AEBP1: variants seen among roughly 807,000 people sequenced by gnomAD.
AEBP1 encodes the protein adipocyte enhancer-binding protein 1.
Under a neutral mutation model 116.5 loss-of-function variants are expected in AEBP1, and 69 were observed. That is an observed-to-expected ratio of 0.59 (90% CI 0.49 to 0.72). AEBP1 has a LOEUF of 0.72. Ranked by LOEUF, AEBP1 falls within the 30% of genes least tolerant of loss-of-function variation. AEBP1 has a pLI of 0.00. For synonymous variants in AEBP1, 627 were observed against 627.3 expected, an observed-to-expected ratio of 1.00 and a Z score of 0.01; for missense variants, 1,444 against 1,557.5, an observed-to-expected ratio of 0.93 and a Z score of 1.23.
Position 44,112,674 on chromosome 7 carries a change from G to T in AEBP1, c.2334G>T (p.Thr778=). 6.2e-7 allele frequency: 1 copy of T among 1,613,116 alleles called. No homozygotes were observed. Among genetic ancestry groups the T allele is most frequent in the South Asian group, 1.1e-5 (1 of 91,078 alleles). ...CCTACCCCTACGATATGGCCCGCAC[G>T]CCTACCCAGGAGCAGCTGCTGGCCG... ...LVSYPYDMAR[T]PTQEQLLAAA... is the part of the protein sequence containing the mutation. Residue 778 remains threonine, a synonymous_variant, in exon 18 of 21, where the codon ACG becomes ACT. Transcript: ENST00000223357. The surrounding 1 kb of genome is among the most constrained non-coding windows in gnomAD (Gnocchi z 6.6).
chr7:44,110,173 C>T (rs547454105), intron 10 of AEBP1, 34 bp from the exon 11 acceptor site: 68 of 1,613,274 alleles, frequency 4.2e-5, no homozygotes, highest in African/African-American at 9.3e-5. Flanking sequence ...GGGACTCCTC[C>T]GCCCATGCTC....
Position 44,110,310 on chromosome 7 carries a change from C to G in AEBP1, c.1364C>G (p.Thr455Arg). The G allele has an allele frequency of 6.2e-7, 1 of 1,613,728 alleles. No homozygotes were observed. Among genetic ancestry groups the G allele is most frequent in the Non-Finnish European group, 8.5e-7 (1 of 1,180,016 alleles). The change falls in exon 11 of 21, where the codon ACA (threonine) becomes AGA (arginine). Residue 455 changes from threonine to arginine, a missense_variant. Coordinates refer to ENST00000223357, the MANE Select transcript of AEBP1 (RefSeq NM_001129.5). The stretch of plus-strand genomic sequence containing the variant: ...GACACCAGGAGGACTACCCGGTTCA[C>G]AGGCGTCATCACCCAGGGCAGAGAC... ...EVDTRRTTRF[T>R]GVITQGRDSS... is the part of the protein sequence containing the mutation.
Position 44,113,212 on chromosome 7 carries a change from G to A in AEBP1, c.2710-40G>A. 6.2e-7 allele frequency: 1 copy of A among 1,613,454 alleles called. No individual in the cohort carries two copies. Among genetic ancestry groups the A allele is most frequent in the Non-Finnish European group, 8.5e-7 (1 of 1,179,760 alleles). ...CGGGAGGGAGCAGCGGACCACATTG[G>A]ACCTTCCTGAGGACCAGCAGCCCTC... On this transcript the variant is annotated intron_variant, in intron 19 of 20. Transcript: ENST00000223357. This position sits in a 1 kb window ranked among gnomAD's most constrained non-coding sequence, Gnocchi z 5.3.
Position 44,112,125 on chromosome 7 carries a change from C to T in AEBP1, c.2038-17C>T. 6.3e-7 allele frequency: 1 copy of T among 1,596,702 alleles called. No individual in the cohort carries two copies. Among genetic ancestry groups the T allele is most frequent in the East Asian group, 2.2e-5 (1 of 44,478 alleles). ...GGGGTGTGGGTAGCCGATGCCTACC[C>T]TGCTGGCTCCCCACAGGGCTCAGAG... On this transcript the variant is annotated splice_polypyrimidine_tract_variant and intron_variant, in intron 16 of 20. Coordinates refer to ENST00000223357, the MANE Select transcript of AEBP1 (RefSeq NM_001129.5). This position sits in a 1 kb window ranked among gnomAD's most constrained non-coding sequence, Gnocchi z 6.6.
At chr7:44,109,014 CTGAAGGCCACCTGGGGCCTGCCT>C (rs757504756) in intron 7 of AEBP1, 38 bp downstream of exon 7, 2 of 1,606,952 alleles carry the variant, frequency 1.2e-6, no homozygotes, top group Non-Finnish European at 1.7e-6. Context: ...CAGGCCTGCC[CTGAAGGCCACCTGGGGCCTGCCT>C]GATCCACCCC....
chr7:44,108,816 G>A lies in AEBP1; in HGVS notation c.941-83G>A, dbSNP rs1220640662. ...TCCTCCTCCCCTCTGGCGCGGTCCT[G>A]TCCTGCTGAGCTCCTGTGGACCCAG... On this transcript the variant is annotated intron_variant, in intron 6 of 20. Coordinates refer to ENST00000223357, the MANE Select transcript of AEBP1 (RefSeq NM_001129.5). The surrounding 1 kb of genome is among the most constrained non-coding windows in gnomAD (Gnocchi z 5.0). The A allele has an allele frequency of 7.5e-7, 1 of 1,338,528 alleles. No individual in the cohort carries two copies. Among genetic ancestry groups the A allele is most frequent in the African/African-American group, 1.5e-5 (1 of 68,636 alleles). The allele number at this position is 1,338,528 out of a possible 1,614,324, so 82.9% of individuals were successfully genotyped here.
At position 44,112,832 on chromosome 7, in the gene AEBP1, G is replaced by C; in HGVS notation, c.2492G>C (p.Arg831Pro). Residue 831 changes from arginine (R) to proline (P), a missense_variant, in exon 18 of 21, where the codon CGC (arginine) becomes CCC (proline). Transcript: ENST00000223357. This position sits in a 1 kb window ranked among gnomAD's most constrained non-coding sequence, Gnocchi z 6.6. ...CACCTCACCTTGACCGAGCCCTACCGCGGAGGCTGCCAAGCCCAGGACTAC... is the reference window on the plus strand; with the variant it reads ...CACCTCACCTTGACCGAGCCCTACCCCGGAGGCTGCCAAGCCCAGGACTAC... ...SAHLTLTEPY[R>P]GGCQAQDYTG... 6.2e-7 allele frequency: 1 copy of C among 1,612,250 alleles called. No individual in the cohort carries two copies. The highest frequency in any genetic ancestry group is 8.5e-7 in the Non-Finnish European group (1 of 1,179,922).
intron 1 of AEBP1, chr7:44,106,315 C>G: frequency 1.4e-6 from 1 of 690,492 alleles, no homozygotes; most frequent in East Asian, 2.8e-5. Flanking sequence ...ACCCTACGCT[C>G]AGTCTTTAGA....
At chr7:44,110,174 G>A (rs376978625) in intron 10 of AEBP1, 33 bp from the exon 11 acceptor site, 19 of 1,613,168 alleles carry the variant, frequency 1.2e-5, no homozygotes, top group East Asian at 2.2e-5. Context: ...GGACTCCTCC[G>A]CCCATGCTCA....
At position 44,112,905 on chromosome 7, in the gene AEBP1, C is replaced by G; in HGVS notation, c.2565C>G (p.Thr855=). The part of the protein sequence containing the change: ...IVNGAKWNPR[T]GTINDFSYLH... ...ACGGGGCCAAGTGGAACCCCCGGACCGGGAGTGAGTCAGCCTGGGAGGGGC... is the reference window on the plus strand; with the variant it reads ...ACGGGGCCAAGTGGAACCCCCGGACGGGGAGTGAGTCAGCCTGGGAGGGGC... The change falls in exon 18 of 21, where the codon ACC becomes ACG. Residue 855 remains threonine (T), a synonymous_variant. Transcript: ENST00000223357. This position sits in a 1 kb window ranked among gnomAD's most constrained non-coding sequence, Gnocchi z 6.6. The G allele has an allele frequency of 1.2e-6, 2 of 1,610,202 alleles. No homozygotes were observed. The highest frequency in any genetic ancestry group is 1.7e-4 in the Middle Eastern group (1 of 6,052).
At position 44,104,601 on chromosome 7, in the gene AEBP1, TC is replaced by T. The variant is rs1222921429; in HGVS notation, c.-62del. ...CCGTCTCGATCCCCTCTCCGCCCTT[TC>T]CCAGAGACCCAGAGCCCCTGACCCC... On this transcript the variant is annotated 5_prime_UTR_variant, in exon 1 of 21. Transcript: ENST00000223357. 1 of 1,174,328 alleles carries T rather than the reference TC, an allele frequency of 8.5e-7. No homozygotes were observed. Among genetic ancestry groups the T allele is most frequent in the African/African-American group, 1.6e-5 (1 of 61,020 alleles). 72.7% of individuals were successfully genotyped at this position (1,174,328 alleles called of 1,614,324 possible). A position where few individuals can be genotyped will look rare whatever the true frequency, so the allele number is the denominator to read the frequency against.
rs1272504203 is a variant in AEBP1 at position 44,108,709 on chromosome 7, G to T, written c.941-190G>T. On this transcript the variant is annotated intron_variant, in intron 6 of 20. Transcript: ENST00000223357. The surrounding 1 kb of genome is among the most constrained non-coding windows in gnomAD (Gnocchi z 5.0). ...AGGCCGGGCTGGTGACTTCAGCAGG[G>T]TCTTGCTCAGCTGCCCCTGAGCTCG... Among the ~76,000 whole-genome samples, 1 of 152,110 alleles carries T rather than the reference G, an allele frequency of 6.6e-6. No individual in the cohort carries two copies. Among genetic ancestry groups the T allele is most frequent in the Non-Finnish European group, 1.5e-5 (1 of 67,998 alleles).
intron 1 of AEBP1, among the ~76,000 whole-genome samples, chr7:44,105,912 G>C (rs900699264): frequency 1.3e-5 from 2 of 152,150 alleles, no homozygotes; most frequent in Non-Finnish European, 2.9e-5. Context: ...TCTGAAATGA[G>C]TGTGCAGCCA....
rs200209047 is a variant in AEBP1, at chr7:44,107,759, A to T, written c.740-50A>T. 19 of 1,612,858 alleles carry T rather than the reference A, an allele frequency of 1.2e-5. No homozygotes were observed. Among genetic ancestry groups the T allele is most frequent in the Non-Finnish European group, 1.6e-5 (19 of 1,179,818 alleles). ...GACCCCTGGCCTGGGGGATGTGCCAATGGGCCCATCCCAGCCTTGGGCCCC... is the reference window on the plus strand; with the variant it reads ...GACCCCTGGCCTGGGGGATGTGCCATTGGGCCCATCCCAGCCTTGGGCCCC... On this transcript the variant is annotated intron_variant, in intron 4 of 20. Coordinates refer to ENST00000223357, the MANE Select transcript of AEBP1 (RefSeq NM_001129.5). The surrounding 1 kb of genome is among the most constrained non-coding windows in gnomAD (Gnocchi z 4.3).
rs1329738528 is a variant in AEBP1, at chr7:44,106,721, G to C, written c.429G>C (p.Lys143Asn). ...EKPPKATKKP[K>N]EKPPKATKKP... ...CACCTAAGGCCACCAAGAAGCCCAA[G>C]GAGAAGCCACCCAAGGCCACCAAGA... Residue 143 changes from lysine (K) to asparagine (N), a missense_variant, in exon 2 of 21, where the codon AAG (lysine) becomes AAC (asparagine). Coordinates refer to ENST00000223357, the MANE Select transcript of AEBP1 (RefSeq NM_001129.5). The C allele has an allele frequency of 2.5e-6, 4 of 1,612,458 alleles. No individual in the cohort carries two copies. Among genetic ancestry groups the C allele is most frequent in the Middle Eastern group, 1.7e-4 (1 of 5,860 alleles).
At position 44,108,897 on chromosome 7, in the gene AEBP1, A is replaced by G. The variant is rs2096225792; in HGVS notation, c.941-2A>G. 8.3e-6 allele frequency: 13 copies of G among 1,574,434 alleles called. 1 individual carries two copies. Among genetic ancestry groups the G allele is most frequent in the Non-Finnish European group, 1.1e-5 (13 of 1,160,952 alleles). On this transcript the variant is annotated splice_acceptor_variant, in intron 6 of 20. Coordinates refer to ENST00000223357, the MANE Select transcript of AEBP1 (RefSeq NM_001129.5). LOFTEE classifies it high-confidence loss of function. This position sits in a 1 kb window ranked among gnomAD's most constrained non-coding sequence, Gnocchi z 5.0. ...GCCTCAGCTGGCTCTCCCTCCCCAT[A>G]GTGGACTATTACTTTGGGCCTCCTC...
Position 44,111,334 on chromosome 7 carries a change from T to G in AEBP1, c.1716+95T>G. On this transcript the variant is annotated intron_variant, in intron 14 of 20. Coordinates refer to ENST00000223357, the MANE Select transcript of AEBP1 (RefSeq NM_001129.5). This position sits in a 1 kb window ranked among gnomAD's most constrained non-coding sequence, Gnocchi z 4.7. ...TTCTGTCACTGGGCCCAGTCCCTACTGGTTCCAGGGATGCTGGCTGTCCCT... is the reference window on the plus strand; with the variant it reads ...TTCTGTCACTGGGCCCAGTCCCTACGGGTTCCAGGGATGCTGGCTGTCCCT... 1.4e-6 allele frequency: 2 copies of G among 1,413,766 alleles called. No individual in the cohort carries two copies. The highest frequency in any genetic ancestry group is 1.9e-6 in the Non-Finnish European group (2 of 1,065,514). 87.6% of individuals were successfully genotyped at this position (1,413,766 alleles called of 1,614,324 possible). A position where few individuals can be genotyped will look rare whatever the true frequency, so the allele number is the denominator to read the frequency against.
At chr7:44,109,464 G>C in intron 9 of AEBP1, 123 bp downstream of exon 9, 1 of 1,216,090 alleles carries the variant, frequency 8.2e-7, no homozygotes, top group Non-Finnish European at 1.1e-6. Context: ...TCAGATTCTT[G>C]GGACCCAGAA....
In AEBP1 at chr7:44,112,366, C is replaced by T; in HGVS notation, c.2217+45C>T. On this transcript the variant is annotated intron_variant, in intron 17 of 20. Coordinates refer to ENST00000223357, the MANE Select transcript of AEBP1 (RefSeq NM_001129.5). This position sits in a 1 kb window ranked among gnomAD's most constrained non-coding sequence, Gnocchi z 6.6. ...GAAAGGGCAGGAGGGAGCAGCTGGA[C>T]CCTGGGGTCCTGGTGTTCTGGGCTT... The T allele has an allele frequency of 1.1e-5, 17 of 1,512,046 alleles. No homozygotes were observed. The highest frequency in any genetic ancestry group is 1.5e-5 in the Non-Finnish European group (17 of 1,130,172). The allele number at this position is 1,512,046 out of a possible 1,614,324, so 93.7% of individuals were successfully genotyped here.
Sources: gnomAD v4.1 joint callset for allele counts (sites outside exome capture counted in the v4.1 genomes callset) on GRCh38, gnomAD v4.1.1 for gene constraint, Gnocchi (gnomAD v3.1) non-coding constraint, MANE v1.5 for transcripts, NCBI Gene and HGNC (gene_info 2026-07-23, HGNC 2026-07-21) for gene names.